BORA: variants seen among roughly 807,000 people sequenced by gnomAD.
BORA encodes protein aurora borealis.
BORA carries 26 observed loss-of-function variants against 55.8 expected under a neutral mutation model. The observed-to-expected ratio is 0.47, with a 90% CI of 0.34 to 0.65. The LOEUF is 0.65. BORA is among the 30% of genes least tolerant of loss of function. The probability of loss-of-function intolerance (pLI) is 0.01; values close to 1 mark genes in which losing one functional copy is unlikely to be tolerated. For missense variants in BORA, 568 were observed against 671.5 expected, an observed-to-expected ratio of 0.85 and a Z score of 1.70; for synonymous variants, 201 against 216.9, an observed-to-expected ratio of 0.93 and a Z score of 0.64.
intron 4 of BORA, among the ~76,000 whole-genome samples, chr13:72,737,032 T>TA (rs1219771356): frequency 2.0e-4 from 30 of 151,838 alleles, no homozygotes; most frequent in African/African-American, 6.3e-4. Context: ...ATGGGTAATT[T>TA]AGTTAAGAAA....
chr13:72,728,143 C>T (rs2032720746), intron 1 of BORA, 136 bp downstream of exon 1: 4 of 1,261,252 alleles, frequency 3.2e-6, no homozygotes, highest in South Asian at 2.6e-5. Flanking sequence ...AAGAGAGGGG[C>T]ACCAGAAAGA....
At position 72,755,286 on chromosome 13, in the gene BORA, A is replaced by G. The variant is rs1311833865; in HGVS notation, c.*70A>G. On this transcript the variant is annotated 3_prime_UTR_variant, in exon 12 of 12. Coordinates refer to ENST00000390667, the MANE Select transcript of BORA (RefSeq NM_024808.5). ...ATATATCGTTGTGCACAGGATCAAC[A>G]TGATGGTGACTGGGAAAAAATTACT... is the stretch of plus-strand genomic sequence containing the variant. The G allele has an allele frequency of 8.2e-6, 11 of 1,343,758 alleles. No homozygotes were observed. In the East Asian group the frequency reaches 2.3e-4, roughly 28 times the overall value. The allele number at this position is 1,343,758 out of a possible 1,614,324, so 83.2% of individuals were successfully genotyped here. A position where few individuals can be genotyped will look rare whatever the true frequency, so the allele number is the denominator to read the frequency against.
At chr13:72,728,834 T>G in intron 1 of BORA, 92 bp from the exon 2 acceptor site, 1 of 1,182,478 alleles carries the variant, frequency 8.5e-7, no homozygotes, top group Non-Finnish European at 1.1e-6. Context: ...AGTTGTTTTT[T>G]GTGACACATT....
At chr13:72,749,452 C>T (rs1234359956) in intron 10 of BORA, among the ~76,000 whole-genome samples, 1 of 152,158 alleles carries the variant, frequency 6.6e-6, no homozygotes, top group Non-Finnish European at 1.5e-5. Flanking sequence ...GATTTCTCCT[C>T]TGCTGCTTCT....
At chr13:72,745,920 A>G in intron 8 of BORA, 24 bp from the exon 9 acceptor site, 1 of 1,589,444 alleles carries the variant, frequency 6.3e-7, no homozygotes, top group Non-Finnish European at 8.6e-7. Flanking sequence ...ATATACATTT[A>G]TTTACTATTT....
intron 9 of BORA, 78 bp from the exon 10 acceptor site, chr13:72,746,423 A>G: frequency 1.4e-6 from 2 of 1,467,348 alleles, no homozygotes; most frequent in Non-Finnish European, 1.8e-6. Flanking sequence ...CTGGCATGAA[A>G]CATGATTACC....
chr13:72,731,915 A>G (rs181962005), intron 3 of BORA, among the ~76,000 whole-genome samples: 10 of 152,326 alleles, frequency 6.6e-5, no homozygotes, highest in African/African-American at 2.4e-4. Context: ...TACATTTTCT[A>G]GAATTCTACA....
chr13:72,734,117 A>G (rs1156458408), intron 3 of BORA, among the ~76,000 whole-genome samples: 1 of 152,180 alleles, frequency 6.6e-6, no homozygotes, highest in African/African-American at 2.4e-5. Flanking sequence ...TACCTGGATG[A>G]TTAAATAATC....
chr13:72,745,570 A>G (rs1593815746), intron 8 of BORA, among the ~76,000 whole-genome samples: 1 of 152,358 alleles, frequency 6.6e-6, no homozygotes, highest in East Asian at 1.9e-4. Flanking sequence ...AGATATGTAC[A>G]GGATGACCAG....
In BORA at chr13:72,743,609, A is replaced by T; in HGVS notation, c.454+7A>T. ...CATTCTGAGAAAAGCGATGGTGAGT[A>T]TGAACACAATTTGAAAAGAAGGATG... On this transcript the variant is annotated splice_region_variant and intron_variant, in intron 6 of 11. Coordinates refer to ENST00000390667, the MANE Select transcript of BORA (RefSeq NM_024808.5). The T allele has an allele frequency of 6.4e-7, 1 of 1,574,378 alleles. No individual in the cohort carries two copies. Among genetic ancestry groups the T allele is most frequent in the Non-Finnish European group, 8.6e-7 (1 of 1,163,374 alleles).
At chr13:72,742,954 C>T (rs551575801) in intron 5 of BORA, among the ~76,000 whole-genome samples, 6 of 152,106 alleles carry the variant, frequency 3.9e-5, no homozygotes, top group Admixed American at 1.3e-4. Context: ...TATGTAGAAT[C>T]TAAAAAAGTC....
chr13:72,745,304 C>T lies in BORA; in HGVS notation c.738+97C>T, dbSNP rs934527316. 2.4e-5 allele frequency: 25 copies of T among 1,029,160 alleles called. No homozygotes were observed. The East Asian group carries it at 6.0e-4, about 25-fold the overall frequency. 63.8% of individuals were successfully genotyped at this position (1,029,160 alleles called of 1,614,324 possible). A position where few individuals can be genotyped will look rare whatever the true frequency, so the allele number is the denominator to read the frequency against. ...TCTTAGGCTTTCAGCAGCCTGAAGC[C>T]ATGGTTGCTTTCTGTCTCTAGTAAA... On this transcript the variant is annotated intron_variant, in intron 8 of 11. Coordinates refer to ENST00000390667, the MANE Select transcript of BORA (RefSeq NM_024808.5).
At chr13:72,745,609 C>G (rs996847471) in intron 8 of BORA, among the ~76,000 whole-genome samples, 5 of 152,134 alleles carry the variant, frequency 3.3e-5, no homozygotes. Context: ...GGAAATTCAG[C>G]ATAGGTTATT....
intron 8 of BORA, 119 bp downstream of exon 8, chr13:72,745,326 T>A: frequency 2.5e-6 from 2 of 807,606 alleles, no homozygotes; most frequent in Non-Finnish European, 3.9e-6. Flanking sequence ...CTGTCTCTAG[T>A]AAATAAGTGG....
intron 10 of BORA, 55 bp from the exon 11 acceptor site, chr13:72,753,635 A>G (rs2033343367): frequency 6.5e-7 from 1 of 1,538,700 alleles, no homozygotes; most frequent in Admixed American, 1.8e-5. Context: ...TACTTATTTA[A>G]ATATTTGACT....
chr13:72,739,275 A>G (rs894698184), intron 5 of BORA, among the ~76,000 whole-genome samples: 2 of 152,174 alleles, frequency 1.3e-5, no homozygotes, highest in Non-Finnish European at 2.9e-5. Context: ...ACATTTTTGT[A>G]TTCCAAGTAT....
intron 2 of BORA, among the ~76,000 whole-genome samples, chr13:72,730,123 T>C (rs919033344): frequency 1.3e-5 from 2 of 152,126 alleles, no homozygotes; most frequent in Admixed American, 1.3e-4. Context: ...TGTTATTTGC[T>C]ACACTGGATA....
intron 3 of BORA, among the ~76,000 whole-genome samples, chr13:72,732,960 G>T (rs2032850182): frequency 6.6e-6 from 1 of 152,122 alleles, no homozygotes; most frequent in Non-Finnish European, 1.5e-5. Flanking sequence ...GACCAAAGTT[G>T]TAACACAGTG....
intron 10 of BORA, chr13:72,753,470 A>G (rs1177697594): frequency 7.7e-6 from 3 of 391,626 alleles, no homozygotes; most frequent in Non-Finnish European, 1.4e-5. Flanking sequence ...GTTACAAGAT[A>G]TATTTCATTG....
Sources: allele counts gnomAD v4.1 joint callset (sites outside exome capture counted in the v4.1 genomes callset), GRCh38; gene constraint gnomAD v4.1.1; transcripts MANE v1.5; gene names NCBI Gene and HGNC (gene_info 2026-07-23, HGNC 2026-07-21).